The following ARHGAP31 variants were observed in gnomAD, a reference collection of about 807,000 sequenced individuals.
ARHGAP31 encodes the protein rho GTPase-activating protein 31.
In ARHGAP31, 34 loss-of-function variants were observed where a neutral mutation model predicts 113.9. The observed-to-expected ratio is 0.30, with a 90% CI of 0.23 to 0.40. The LOEUF (loss-of-function observed/expected upper bound fraction) is 0.40, where lower values mean the gene tolerates loss of function less well. Among genes scored for constraint, ARHGAP31 ranks in the 10% least tolerant of loss-of-function variants. The pLI is 1.00. For missense variants in ARHGAP31, 1,548 were observed against 1,767.1 expected, an observed-to-expected ratio of 0.88 and a Z score of 2.22; for synonymous variants, 650 against 684.8, an observed-to-expected ratio of 0.95 and a Z score of 0.79.
chr3:119,306,439 C>T (rs571086544), intron 1 of ARHGAP31, among the ~76,000 whole-genome samples: 1 of 152,250 alleles, frequency 6.6e-6, no homozygotes, highest in South Asian at 2.1e-4. Context: ...TGCCTGTAAT[C>T]CCAGCTACAT....
chr3:119,333,957 T>C lies in ARHGAP31; in HGVS notation c.101-31359T>C, dbSNP rs72962548. 7.8e-3 allele frequency among the ~76,000 whole-genome samples: 1,182 copies of C among 152,326 alleles called. 13 individuals are homozygous for C. Among genetic ancestry groups the C allele is most frequent in the African/African-American group, 0.028 (1,144 of 41,570 alleles). On this transcript the variant is annotated intron_variant, in intron 1 of 11. Transcript: ENST00000264245. ...CCTGCTTTATGTTTGGTCTTTGTTA[T>C]CACCAACAGTCTCAGAGTCACTTAT...
At chr3:119,375,488 ATGTCCC>A (rs1400186259) in intron 3 of ARHGAP31, among the ~76,000 whole-genome samples, 2 of 152,208 alleles carry the variant, frequency 1.3e-5, no homozygotes, top group African/African-American at 4.8e-5. Context: ...ATCGAGGATA[ATGTCCC>A]CACTCGACAT....
chr3:119,381,847 G>A (rs75486789), intron 4 of ARHGAP31, among the ~76,000 whole-genome samples: 9 of 152,172 alleles, frequency 5.9e-5, no homozygotes, highest in Non-Finnish European at 1.0e-4. Context: ...TTAGCCGGGC[G>A]TGGTGGCGGG....
chr3:119,334,008 C>T (rs78921831), intron 1 of ARHGAP31, among the ~76,000 whole-genome samples: 65 of 152,324 alleles, frequency 4.3e-4, no homozygotes, highest in African/African-American at 1.4e-3. Context: ...TGCACAGCAT[C>T]TTGGAGAAGG....
chr3:119,331,838 G>T (rs965836208), intron 1 of ARHGAP31, among the ~76,000 whole-genome samples: 3 of 152,136 alleles, frequency 2.0e-5, no homozygotes, highest in Non-Finnish European at 4.4e-5. Context: ...ACCCAGTACA[G>T]GAATCCTGGA....
intron 1 of ARHGAP31, among the ~76,000 whole-genome samples, chr3:119,306,622 T>C (rs1052575422): frequency 1.3e-5 from 2 of 152,184 alleles, no homozygotes; most frequent in Non-Finnish European, 2.9e-5. Flanking sequence ...GGAGAACATA[T>C]GATTCTACCG....
intron 1 of ARHGAP31, among the ~76,000 whole-genome samples, chr3:119,310,657 T>C (rs1460356108): frequency 6.6e-6 from 1 of 152,220 alleles, no homozygotes; most frequent in African/African-American, 2.4e-5. Flanking sequence ...GGAACAGTTT[T>C]ATCCCAAAAC....
chr3:119,383,248 C>T (rs1458935282), intron 6 of ARHGAP31, 22 bp downstream of exon 6: 1 of 1,613,768 alleles, frequency 6.2e-7, no homozygotes, highest in Non-Finnish European at 8.5e-7. Flanking sequence ...TCCTAGCATA[C>T]ACTCCACCAG....
rs1469345133 is a variant in ARHGAP31 at position 119,416,813 on chromosome 3, G to A, written c.*549G>A. 3 of 177,602 alleles carry A rather than the reference G, an allele frequency of 1.7e-5. No homozygotes were observed. Among genetic ancestry groups the A allele is most frequent in the East Asian group, 1.5e-4 (1 of 6,506 alleles). The allele number at this position is 177,602 out of a possible 1,614,324, so 11.0% of individuals were successfully genotyped here. On this transcript the variant is annotated 3_prime_UTR_variant, in exon 12 of 12. Transcript: ENST00000264245. ...AGCGGATTTGGAAATGCAAACTAAC[G>A]TGCACTTAGATATCCAAGTGGGTGA...
In ARHGAP31 at chr3:119,313,508, C is replaced by G. The variant is rs1418755749; in HGVS notation, c.100+18504C>G. Among the ~76,000 whole-genome samples the G allele has an allele frequency of 2.6e-5, 4 of 152,184 alleles. No individual in the cohort carries two copies. The East Asian group carries it at 7.7e-4, about 29-fold the overall frequency. Reference sequence around the variant, plus strand: ...AAATATCAATAATGGCTTCCCTTTGCTGAACGAACGAGGGTAGAATTTGCT... The same window carrying G: ...AAATATCAATAATGGCTTCCCTTTGGTGAACGAACGAGGGTAGAATTTGCT... On this transcript the variant is annotated intron_variant, in intron 1 of 11. Coordinates refer to ENST00000264245, the MANE Select transcript of ARHGAP31 (RefSeq NM_020754.4).
intron 1 of ARHGAP31, among the ~76,000 whole-genome samples, chr3:119,341,643 T>C (rs2080009004): frequency 6.6e-6 from 1 of 152,192 alleles, no homozygotes; most frequent in African/African-American, 2.4e-5. Flanking sequence ...TTCTTAAATA[T>C]ATATCTATAA....
At chr3:119,336,050 C>T (rs953744269) in intron 1 of ARHGAP31, among the ~76,000 whole-genome samples, 1 of 152,134 alleles carries the variant, frequency 6.6e-6, no homozygotes, top group East Asian at 1.9e-4. Flanking sequence ...TGGCAGGTGC[C>T]TACAATCCCA....
chr3:119,331,496 T>A (rs957415030), intron 1 of ARHGAP31, among the ~76,000 whole-genome samples: 8 of 152,132 alleles, frequency 5.3e-5, no homozygotes, highest in African/African-American at 1.2e-4. Flanking sequence ...TGACTCCATG[T>A]TGGATTTTGA....
chr3:119,329,545 G>T (rs990933687), intron 1 of ARHGAP31, among the ~76,000 whole-genome samples: 2 of 152,180 alleles, frequency 1.3e-5, no homozygotes, highest in Non-Finnish European at 2.9e-5. Flanking sequence ...GAAAAAAGAA[G>T]TTTCTCTTTC....
In ARHGAP31 at chr3:119,387,146, G is replaced by T. The variant is rs181321241; in HGVS notation, c.683-3639G>T. On this transcript the variant is annotated intron_variant, in intron 6 of 11. Transcript: ENST00000264245. ...CCCGGTCTGCTAAGTAGTGGGTGTT[G>T]TTCCTTGACACCTTTTGCTACCGCT... Among the ~76,000 whole-genome samples, 7 of 152,298 alleles carry T rather than the reference G, an allele frequency of 4.6e-5. No homozygotes were observed. The East Asian group carries it at 1.4e-3, about 29-fold the overall frequency.
chr3:119,324,610 T>G (rs1377372924), intron 1 of ARHGAP31, among the ~76,000 whole-genome samples: 2 of 152,172 alleles, frequency 1.3e-5, no homozygotes, highest in African/African-American at 2.4e-5. Context: ...CCAAGGAGAT[T>G]TGTAGCTATT....
chr3:119,414,719 G>T lies in ARHGAP31; in HGVS notation c.2790G>T (p.Gln930His). ...CCCTGAAAGACGCGCACAAGGCCCA[G>T]GTACAGGGCCTTCAGGGTCACCAGT... ...SPTLKDAHKA[Q>H]VQGLQGHQLE... The change falls in exon 12 of 12, where the codon CAG becomes CAT. Residue 930 changes from glutamine (Q) to histidine (H), a missense_variant. Coordinates refer to ENST00000264245, the MANE Select transcript of ARHGAP31 (RefSeq NM_020754.4). 6.2e-7 allele frequency: 1 copy of T among 1,614,174 alleles called. No homozygotes were observed. Among genetic ancestry groups the T allele is most frequent in the Non-Finnish European group, 8.5e-7 (1 of 1,180,024 alleles).
At position 119,416,174 on chromosome 3, in the gene ARHGAP31, C is replaced by T. The variant is rs757081042; in HGVS notation, c.4245C>T (p.Gly1415=). Residue 1415 remains glycine (G), a synonymous_variant, in exon 12 of 12, where the codon GGC becomes GGT. Coordinates refer to ENST00000264245, the MANE Select transcript of ARHGAP31 (RefSeq NM_020754.4). The stretch of plus-strand genomic sequence containing the variant: ...ATAAAATGACCATCCCTAAGAATGG[C>T]CAGAGACTAGAGACCTCAACCAGCT... ...LRNKMTIPKN[G]QRLETSTSCF... 4 of 1,614,184 alleles carry T rather than the reference C, an allele frequency of 2.5e-6. No individual in the cohort carries two copies. The East Asian group carries it at 8.9e-5, about 36-fold the overall frequency.
chr3:119,336,440 G>A lies in ARHGAP31; in HGVS notation c.101-28876G>A, dbSNP rs542299276. On this transcript the variant is annotated intron_variant, in intron 1 of 11. Coordinates refer to ENST00000264245, the MANE Select transcript of ARHGAP31 (RefSeq NM_020754.4). ...CAGGGATGTACCATCATGCAGCAGC[G>A]GGAGAGGGACACCTTGCATACCCAA... 4.6e-5 allele frequency among the ~76,000 whole-genome samples: 7 copies of A among 152,150 alleles called. No homozygotes were observed. The South Asian group carries it at 6.2e-4, about 14-fold the overall frequency.
Sources: gnomAD v4.1 joint callset for allele counts (sites outside exome capture counted in the v4.1 genomes callset) on GRCh38, gnomAD v4.1.1 for gene constraint, MANE v1.5 for transcripts, NCBI Gene and HGNC (gene_info 2026-07-23, HGNC 2026-07-21) for gene names.